The following GASK1B variants were observed in gnomAD, a reference collection of about 807,000 sequenced individuals.
GASK1B encodes Golgi-associated kinase 1B.
A neutral mutation model predicts 42.8 loss-of-function variants in GASK1B; 34 were observed. The ratio of observed to expected loss-of-function variants is 0.79; its 90% CI spans 0.60 to 1.06. The LOEUF (loss-of-function observed/expected upper bound fraction) is 1.06, where lower values mean the gene tolerates loss of function less well. Ranked by LOEUF, GASK1B falls within the 50% of genes least tolerant of loss-of-function variation. The pLI, the probability that GASK1B is intolerant of heterozygous loss-of-function variation, is 0.00. For missense variants in GASK1B, 686 were observed against 661.0 expected (o/e 1.04, Z -0.42); for synonymous variants, 262 against 259.1 (o/e 1.01, Z -0.11).
chr4:158,166,735 G>A (rs916919116), intron 2 of GASK1B, among the ~76,000 whole-genome samples: 2 of 152,014 alleles, frequency 1.3e-5, no homozygotes, highest in Admixed American at 1.3e-4. Context: ...AAAAAAAGGA[G>A]GTTCCCATGG....
chr4:158,168,351 G>A (rs1294067070), intron 2 of GASK1B: 3 of 152,092 alleles, frequency 2.0e-5, no homozygotes, highest in African/African-American at 7.2e-5. Context: ...TATCTAAGAG[G>A]GATTGGGATT....
intron 2 of GASK1B, among the ~76,000 whole-genome samples, chr4:158,158,180 A>C (rs1731828694): frequency 6.6e-6 from 1 of 152,148 alleles, no homozygotes; most frequent in South Asian, 2.1e-4. Context: ...AAGCAACAAC[A>C]TACATTCAAA....
chr4:158,129,333 T>C (rs1337087129), intron 4 of GASK1B, among the ~76,000 whole-genome samples: 2 of 152,198 alleles, frequency 1.3e-5, no homozygotes, highest in Non-Finnish European at 2.9e-5. Flanking sequence ...TAGTAAGTGA[T>C]GTCTTAGGAA....
At position 158,127,308 on chromosome 4, in the gene GASK1B, G is replaced by A; in HGVS notation, c.*99C>T. ...TTTATTTTACGTATTCATCTACACT[G>A]CCTCATTGCTAAACGGGCTTGAGGT... On this transcript the variant is annotated 3_prime_UTR_variant, in exon 5 of 5. Coordinates refer to ENST00000585682, the MANE Select transcript of GASK1B (RefSeq NM_001128424.2). 1.1e-6 allele frequency: 1 copy of A among 932,268 alleles called. No homozygotes were observed. Among genetic ancestry groups the A allele is most frequent in the Admixed American group, 2.1e-5 (1 of 48,064 alleles). The allele number at this position is 932,268 out of a possible 1,614,324, so 57.7% of individuals were successfully genotyped here. A position where few individuals can be genotyped will look rare whatever the true frequency, so the allele number is the denominator to read the frequency against.
At chr4:158,133,839 T>C (rs539390310) in intron 3 of GASK1B, among the ~76,000 whole-genome samples, 23 of 152,200 alleles carry the variant, frequency 1.5e-4, no homozygotes, top group Non-Finnish European at 3.2e-4. Flanking sequence ...CAACTTCTCT[T>C]ATAGAAAATG....
intron 2 of GASK1B, among the ~76,000 whole-genome samples, chr4:158,162,889 G>C (rs115114160): frequency 0.024 from 3,693 of 152,322 alleles, 76 homozygotes; most frequent in Non-Finnish European, 0.036. Flanking sequence ...GCGGGAGGCA[G>C]TAAGGCACAG....
intron 3 of GASK1B, among the ~76,000 whole-genome samples, chr4:158,149,371 G>A (rs983574418): frequency 1.3e-5 from 2 of 152,200 alleles, no homozygotes; most frequent in Non-Finnish European, 2.9e-5. Context: ...CACAATAGAT[G>A]TTGCATAAAT....
intron 3 of GASK1B, among the ~76,000 whole-genome samples, chr4:158,137,995 A>C (rs907395579): frequency 2.0e-5 from 3 of 152,250 alleles, no homozygotes; most frequent in Non-Finnish European, 4.4e-5. Flanking sequence ...TTCCATGTTT[A>C]AAAATAAATG....
At chr4:158,150,152 C>T (rs1309531770) in intron 3 of GASK1B, among the ~76,000 whole-genome samples, 1 of 151,912 alleles carries the variant, frequency 6.6e-6, no homozygotes, top group African/African-American at 2.4e-5. Context: ...GTCTCGATCT[C>T]CTGACCTCGT....
chr4:158,167,713 G>A (rs1732280919), intron 2 of GASK1B, among the ~76,000 whole-genome samples: 1 of 152,092 alleles, frequency 6.6e-6, no homozygotes, highest in South Asian at 2.1e-4. Context: ...TTAAATAAAT[G>A]ATTATAATAC....
chr4:158,136,234 A>G (rs899193796), intron 3 of GASK1B, among the ~76,000 whole-genome samples: 21 of 152,112 alleles, frequency 1.4e-4, no homozygotes, highest in African/African-American at 5.1e-4. Flanking sequence ...GAAGAAGGGT[A>G]TTGTTAGCTA....
chr4:158,164,649 T>C (rs1408724794), intron 2 of GASK1B, among the ~76,000 whole-genome samples: 1 of 152,172 alleles, frequency 6.6e-6, no homozygotes, highest in African/African-American at 2.4e-5. Flanking sequence ...CCTAAATAAA[T>C]ATTTTCAGAA....
At chr4:158,166,440 G>A (rs1482855854) in intron 2 of GASK1B, among the ~76,000 whole-genome samples, 1 of 152,178 alleles carries the variant, frequency 6.6e-6, no homozygotes, top group Non-Finnish European at 1.5e-5. Context: ...TTATCTGAAA[G>A]GCTGGGGCAG....
At chr4:158,159,649 G>T (rs564811139) in intron 2 of GASK1B, 1 of 267,066 alleles carries the variant, frequency 3.7e-6, no homozygotes, top group African/African-American at 2.2e-5. Flanking sequence ...GAGAAAGCGG[G>T]TTTTAAAAGA....
chr4:158,170,432 C>A, intron 2 of GASK1B, 34 bp downstream of exon 2: 2 of 1,614,232 alleles, frequency 1.2e-6, no homozygotes, highest in Non-Finnish European at 8.5e-7. Flanking sequence ...GAATCCCCAA[C>A]AGCTGCAAAT....
intron 3 of GASK1B, among the ~76,000 whole-genome samples, chr4:158,152,837 G>A (rs1160178361): frequency 2.0e-5 from 3 of 152,124 alleles, no homozygotes; most frequent in Non-Finnish European, 4.4e-5. Context: ...AACTGGCATA[G>A]AAGGGACGTA....
In GASK1B at chr4:158,130,899, T is replaced by G. The variant is rs748232998; in HGVS notation, c.1239A>C (p.Ala413=). 2.7e-5 allele frequency: 43 copies of G among 1,614,032 alleles called. No homozygotes were observed. Among genetic ancestry groups the G allele is most frequent in the Non-Finnish European group, 3.1e-5 (37 of 1,179,990 alleles). Residue 413 remains alanine, a synonymous_variant, in exon 4 of 5, where the codon GCA becomes GCC. Coordinates refer to ENST00000585682, the MANE Select transcript of GASK1B (RefSeq NM_001128424.2). ...GGTCATGCTTTCGCTGGATAATGTG[T>G]GCTAGAGCCGCAGAACCTTGGTCAT... ...KCDDQGSAAL[A]HIIQRKHDPR... is the part of the protein sequence containing the mutation.
chr4:158,145,935 T>C, intron 3 of GASK1B, among the ~76,000 whole-genome samples: 1 of 152,236 alleles, frequency 6.6e-6, no homozygotes, highest in East Asian at 1.9e-4. Context: ...AAATAAACAG[T>C]TATTCTTAGA....
intron 4 of GASK1B, 139 bp downstream of exon 4, chr4:158,130,647 G>T: frequency 2.8e-6 from 2 of 713,572 alleles, no homozygotes; most frequent in Non-Finnish European, 4.6e-6. Flanking sequence ...TTCCTTTCTT[G>T]GGTCTCCATT....
Sources: gnomAD v4.1 joint callset for allele counts (sites outside exome capture counted in the v4.1 genomes callset) on GRCh38, gnomAD v4.1.1 for gene constraint, MANE v1.5 for transcripts, NCBI Gene and HGNC (gene_info 2026-07-23, HGNC 2026-07-21) for gene names.